Variants in UTP18 observed in about 807,000 individuals in gnomAD.
UTP18 encodes the protein UTP18 small subunit processome component, also known as U3 small nucleolar RNA-associated protein 18 homolog.
A neutral mutation model predicts 61.1 loss-of-function variants in UTP18; 36 were observed. That is an observed-to-expected ratio of 0.59 (90% confidence interval 0.45 to 0.78). UTP18 has a LOEUF of 0.78. UTP18 is among the 30% of genes least tolerant of loss of function. The probability of loss-of-function intolerance (pLI) is 0.00; values close to 1 mark genes in which losing one functional copy is unlikely to be tolerated. For missense variants in UTP18, 753 were observed against 693.9 expected (o/e 1.09, Z -0.96); for synonymous variants, 282 against 251.1 (o/e 1.12, Z -1.16).
intron 9 of UTP18, among the ~76,000 whole-genome samples, chr17:51,285,025 C>A (rs1905059802): frequency 1.3e-5 from 2 of 150,924 alleles, no homozygotes; most frequent in African/African-American, 4.9e-5. Context: ...GGCGCAGTTA[C>A]ACTCCAGCCT....
rs533446992 is a variant in UTP18 at position 51,288,219 on chromosome 17, C to T, written c.1503+16C>T. 1 of 1,558,728 alleles carries T rather than the reference C, an allele frequency of 6.4e-7. No homozygotes were observed. Among genetic ancestry groups the T allele is most frequent in the Non-Finnish European group, 8.6e-7 (1 of 1,159,532 alleles). ...AGTCAGATTGGTAAATATTTCATTA[C>T]CCCTTTATTATTGTTATTTTTTAAA... On this transcript the variant is annotated intron_variant, in intron 11 of 13. Coordinates refer to ENST00000225298, the MANE Select transcript of UTP18 (RefSeq NM_016001.3).
At chr17:51,297,596 T>A (rs866554313) in intron 13 of UTP18, among the ~76,000 whole-genome samples, 186 bp from the exon 14 acceptor site, 2 of 152,196 alleles carry the variant, frequency 1.3e-5, no homozygotes, top group African/African-American at 4.8e-5. Flanking sequence ...TGAGGGACTT[T>A]GAGAATGCAG....
At chr17:51,269,039 T>A in intron 4 of UTP18, 135 bp downstream of exon 4, 1 of 830,718 alleles carries the variant, frequency 1.2e-6, no homozygotes, top group Non-Finnish European at 1.9e-6. Flanking sequence ...GTCATCCCAG[T>A]GCTTTGGGAG....
At chr17:51,286,883 T>C (rs1359543452) in intron 10 of UTP18, among the ~76,000 whole-genome samples, 1 of 152,186 alleles carries the variant, frequency 6.6e-6, no homozygotes, top group Non-Finnish European at 1.5e-5. Context: ...ACGTGCAGGT[T>C]TGTTACATAT....
chr17:51,291,744 A>G (rs936494537), intron 11 of UTP18, among the ~76,000 whole-genome samples: 3 of 151,812 alleles, frequency 2.0e-5, no homozygotes, highest in African/African-American at 7.3e-5. Context: ...ATCTCAAAAA[A>G]AAAAAAAAAG....
rs1905064248 is a variant in UTP18, at chr17:51,285,170, C to CTGAGAG, written c.1205-72_1205-67dup. The CTGAGAG allele has an allele frequency of 1.9e-6, 3 of 1,555,106 alleles. No individual in the cohort carries two copies. In the South Asian group the frequency reaches 3.4e-5, roughly 18 times the overall value. On this transcript the variant is annotated intron_variant, in intron 9 of 13. Transcript: ENST00000225298. ...TAGTCTCCTGTACTGTTAAGAGGGACTGAGAGTGGCCAGTTTACTTGCCTT... is the reference window on the plus strand; with the variant it reads ...TAGTCTCCTGTACTGTTAAGAGGGACTGAGAGTGAGAGTGGCCAGTTTACTTGCCTT...
At chr17:51,296,898 T>G (rs1905381852) in intron 12 of UTP18, 67 bp from the exon 13 acceptor site, 8 of 1,480,164 alleles carry the variant, frequency 5.4e-6, no homozygotes, top group Non-Finnish European at 7.4e-6. Context: ...TGCCCTTCTG[T>G]GATCTAATTG....
At chr17:51,288,747 T>C (rs1357700207) in intron 11 of UTP18, among the ~76,000 whole-genome samples, 1 of 152,222 alleles carries the variant, frequency 6.6e-6, no homozygotes, top group Non-Finnish European at 1.5e-5. Flanking sequence ...CATATGTTCA[T>C]TGAACTCATG....
Position 51,263,363 on chromosome 17 carries a change from TGAA to T in UTP18, c.438_440del (p.Glu146del), listed in dbSNP as rs2055527591. The T allele has an allele frequency of 3.7e-6, 6 of 1,614,102 alleles. No individual in the cohort carries two copies. Among genetic ancestry groups the T allele is most frequent in the South Asian group, 1.1e-5 (1 of 91,080 alleles). ...CTCAAAAGAAGCCAGTTTGGGTGGA[TGAA>T]GAAGATGAAGATGAGGAAATGTAAG... On this transcript the variant is annotated inframe_deletion, in exon 2 of 14. Coordinates refer to ENST00000225298, the MANE Select transcript of UTP18 (RefSeq NM_016001.3).
At chr17:51,286,306 A>G (rs1412960337) in intron 10 of UTP18, among the ~76,000 whole-genome samples, 1 of 152,190 alleles carries the variant, frequency 6.6e-6, no homozygotes, top group Admixed American at 6.5e-5. Context: ...CTAAACCACT[A>G]ATTAGAACCC....
chr17:51,290,392 G>A (rs978846246), intron 11 of UTP18, among the ~76,000 whole-genome samples: 1 of 152,060 alleles, frequency 6.6e-6, no homozygotes, highest in African/African-American at 2.4e-5. Flanking sequence ...CTCCAGCCTG[G>A]GTGACAGAGT....
At chr17:51,297,053 T>C in intron 13 of UTP18, 50 bp downstream of exon 13, 1 of 1,471,354 alleles carries the variant, frequency 6.8e-7, no homozygotes, top group Non-Finnish European at 9.3e-7. Flanking sequence ...GATACACCCA[T>C]TGCTGTCAGT....
intron 9 of UTP18, among the ~76,000 whole-genome samples, chr17:51,280,728 T>A (rs1162198865): frequency 6.6e-6 from 1 of 151,920 alleles, no homozygotes. Context: ...TGAGAGAATC[T>A]CTTGAACCTG....
At chr17:51,277,980 G>A (rs1904787184) in intron 7 of UTP18, among the ~76,000 whole-genome samples, 1 of 152,148 alleles carries the variant, frequency 6.6e-6, no homozygotes, top group Non-Finnish European at 1.5e-5. Flanking sequence ...ACGGCTCACT[G>A]GTGCTCTCCC....
chr17:51,296,791 T>G (rs1905378904), intron 12 of UTP18, 174 bp from the exon 13 acceptor site: 2 of 576,144 alleles, frequency 3.5e-6, no homozygotes, highest in African/African-American at 2.0e-5. Context: ...ATCTGAGGCG[T>G]TCAGATCCTC....
intron 12 of UTP18, among the ~76,000 whole-genome samples, chr17:51,295,617 T>G (rs1306925461): frequency 6.6e-6 from 1 of 152,208 alleles, no homozygotes; most frequent in Non-Finnish European, 1.5e-5. Context: ...GTAGTATAGT[T>G]TGAAGTCAGG....
chr17:51,274,594 A>C (rs1199921979), intron 5 of UTP18, among the ~76,000 whole-genome samples: 3 of 151,852 alleles, frequency 2.0e-5, no homozygotes, highest in African/African-American at 7.3e-5. Flanking sequence ...GGCATGCACC[A>C]CCATGCCTGG....
At chr17:51,261,572 A>C (rs929535486) in intron 1 of UTP18, among the ~76,000 whole-genome samples, 1 of 152,182 alleles carries the variant, frequency 6.6e-6, no homozygotes, top group South Asian at 2.1e-4. Flanking sequence ...TGGAGGAGAC[A>C]CAGCAATGGA....
At chr17:51,281,796 G>A (rs74927806) in intron 9 of UTP18, among the ~76,000 whole-genome samples, 16,958 of 152,146 alleles carry the variant, frequency 0.11, 1,523 homozygotes, top group African/African-American at 0.24. Flanking sequence ...AATCTAAAAG[G>A]CATAATTTTA....
Sources: allele counts gnomAD v4.1 joint callset (sites outside exome capture counted in the v4.1 genomes callset), GRCh38; gene constraint gnomAD v4.1.1; transcripts MANE v1.5; gene names NCBI Gene and HGNC (gene_info 2026-07-23, HGNC 2026-07-21).